Variants in CDKL5 observed in about 807,000 individuals in gnomAD.
CDKL5 encodes the protein cyclin-dependent kinase-like 5.
CDKL5 carries 8 observed loss-of-function variants against 61.7 expected under a neutral mutation model. The observed-to-expected ratio is 0.13, with a 90% confidence interval of 0.08 to 0.23. The LOEUF (loss-of-function observed/expected upper bound fraction) is 0.23, where lower values mean the gene tolerates loss of function less well. Ranked by LOEUF, CDKL5 falls within the 10% of genes least tolerant of loss-of-function variation. The pLI, the probability that CDKL5 is intolerant of heterozygous loss-of-function variation, is 1.00. For synonymous variants in CDKL5, 275 were observed against 272.3 expected, an observed-to-expected ratio of 1.01 and a Z score of -0.10; for missense variants, 440 against 734.5, an observed-to-expected ratio of 0.60 and a Z score of 4.63.
intron 3 of CDKL5, among the ~76,000 whole-genome samples, chrX:18,560,732 C>G: frequency 9.1e-6 from 1 of 109,870 alleles, no homozygotes; most frequent in Middle Eastern, 4.7e-3. Flanking sequence ...TATAAGAAGA[C>G]TTTCCTAATT....
intron 15 of CDKL5, among the ~76,000 whole-genome samples, chrX:18,619,530 TA>T (rs1450625355): frequency 8.9e-6 from 1 of 111,851 alleles, no homozygotes; most frequent in Non-Finnish European, 1.9e-5. Context: ...CTTTCCCTTG[TA>T]GAGTTACAGA....
At chrX:18,485,638 T>C (rs1450345131) in intron 1 of CDKL5, among the ~76,000 whole-genome samples, 1 of 112,078 alleles carries the variant, frequency 8.9e-6, no homozygotes, top group Non-Finnish European at 1.9e-5. Context: ...ACATTTTGTA[T>C]GCACAAAAAA....
At chrX:18,513,343 A>G (rs1255778053) in intron 3 of CDKL5, among the ~76,000 whole-genome samples, 1 of 111,309 alleles carries the variant, frequency 9.0e-6, no homozygotes, top group Non-Finnish European at 1.9e-5. Flanking sequence ...GGACATCTCT[A>G]CTCTTAGGAA....
At chrX:18,445,030 A>G (rs906319073) in intron 1 of CDKL5, among the ~76,000 whole-genome samples, 1 of 107,829 alleles carries the variant, frequency 9.3e-6, no homozygotes, top group Non-Finnish European at 1.9e-5. Context: ...TTTTGACTCC[A>G]TATTTGTGTA....
intron 3 of CDKL5, among the ~76,000 whole-genome samples, chrX:18,542,228 G>A (rs1265214439): frequency 9.0e-6 from 1 of 111,356 alleles, no homozygotes. Flanking sequence ...GGGAATTCCA[G>A]CTCCCTAGGC....
chrX:18,525,905 C>T (rs1923423121), intron 3 of CDKL5, among the ~76,000 whole-genome samples: 1 of 110,397 alleles, frequency 9.1e-6, no homozygotes, highest in Non-Finnish European at 1.9e-5. Flanking sequence ...CACCACCACG[C>T]CTGGCTAATT....
chrX:18,594,061 C>T (rs1279777507), intron 9 of CDKL5, among the ~76,000 whole-genome samples: 1 of 112,374 alleles, frequency 8.9e-6, no homozygotes, highest in South Asian at 3.7e-4. Context: ...CTCCTGCTAT[C>T]CAGAGCATGG....
At chrX:18,549,368 C>T (rs551656606) in intron 3 of CDKL5, among the ~76,000 whole-genome samples, 3 of 112,614 alleles carry the variant, frequency 2.7e-5, no homozygotes, top group African/African-American at 9.7e-5. Flanking sequence ...AGCTCTGTCA[C>T]TCATTCAACA....
intron 4 of CDKL5, among the ~76,000 whole-genome samples, chrX:18,567,764 A>G: frequency 9.0e-6 from 1 of 111,476 alleles, no homozygotes; most frequent in Non-Finnish European, 1.9e-5. Context: ...GTGTGCCTGT[A>G]ATCCTAGCTA....
chrX:18,562,022 G>T (rs1298926976), intron 3 of CDKL5, among the ~76,000 whole-genome samples: 1 of 111,582 alleles, frequency 9.0e-6, no homozygotes, highest in Non-Finnish European at 1.9e-5. Context: ...CTGGGGAAAA[G>T]ATTTGTAACA....
rs1422001731 is a variant in CDKL5, at chrX:18,650,412, G to T, written c.2800G>T (p.Glu934Ter). 1.7e-6 allele frequency: 2 copies of T among 1,210,235 alleles called. No homozygotes were observed. The highest frequency in any genetic ancestry group is 3.5e-5 in the African/African-American group (2 of 57,316). Residue 934 changes from glutamate (E) to a stop codon, truncating the protein, a stop_gained and splice_region_variant, in exon 21 of 22, where the codon GAA becomes TAA. Coordinates refer to the CDKL5 transcript ENST00000379989. LOFTEE classifies it high-confidence loss of function. ...ACTGCCCTCTGAATATTTTCCAGGAGAATACTTCTGCTGTGGTGACCCAAA... is the reference window on the plus strand; with the variant it reads ...ACTGCCCTCTGAATATTTTCCAGGATAATACTTCTGCTGTGGTGACCCAAA...
chrX:18,536,960 C>G (rs185345006), intron 3 of CDKL5, among the ~76,000 whole-genome samples: 1 of 109,193 alleles, frequency 9.2e-6, no homozygotes, highest in East Asian at 2.8e-4. Flanking sequence ...CACACATATA[C>G]CCATTACTTT....
intron 3 of CDKL5, among the ~76,000 whole-genome samples, chrX:18,551,591 T>TTATTATTAG (rs1924390048): frequency 9.9e-6 from 1 of 101,079 alleles, no homozygotes; most frequent in Non-Finnish European, 2.0e-5. Flanking sequence ...ATTATTATTA[T>TTATTATTAG]TATTATTATT....
chrX:18,503,822 G>C (rs747832736), intron 1 of CDKL5, among the ~76,000 whole-genome samples: 1 of 111,905 alleles, frequency 8.9e-6, no homozygotes, highest in South Asian at 3.7e-4. Flanking sequence ...GCTCACCGCA[G>C]CTTCGCCCTC....
chrX:18,457,357 C>T (rs1184434053), intron 1 of CDKL5: 1 of 111,645 alleles, frequency 9.0e-6, no homozygotes, highest in African/African-American at 3.3e-5. Context: ...ATAACAGATC[C>T]AATTCCTTGT....
At chrX:18,497,786 T>C (rs747882842) in intron 1 of CDKL5, among the ~76,000 whole-genome samples, 7 of 110,094 alleles carry the variant, frequency 6.4e-5, no homozygotes, top group African/African-American at 2.3e-4. Context: ...TGTTGTCTTG[T>C]CTAGCCTTTC....
At chrX:18,617,690 G>A (rs1926762336) in intron 15 of CDKL5, among the ~76,000 whole-genome samples, 1 of 111,975 alleles carries the variant, frequency 8.9e-6, no homozygotes, top group South Asian at 3.7e-4. Context: ...TTTCCTCTCT[G>A]ACATCCTTCT....
At chrX:18,593,543 G>C (rs1925894243) in intron 9 of CDKL5, among the ~76,000 whole-genome samples, 1 of 111,341 alleles carries the variant, frequency 9.0e-6, no homozygotes, top group Non-Finnish European at 1.9e-5. Context: ...TAACATCGAA[G>C]GGAGCCTCTG....
Position 18,638,710 on chromosome X carries a change from A to G in CDKL5, c.*9953A>G, listed in dbSNP as rs1927467556. ...TGAAATCCCAGCTGGCTTCTTTGCA[A>G]TGATGGACAAGTTAGTTATAATTCA... is the stretch of plus-strand genomic sequence containing the variant. On this transcript the variant is annotated 3_prime_UTR_variant, in exon 18 of 18. Coordinates refer to ENST00000623535, the MANE Select transcript of CDKL5 (RefSeq NM_001323289.2). Among the ~76,000 whole-genome samples, 1 of 112,388 alleles carries G rather than the reference A, an allele frequency of 8.9e-6. No homozygotes were observed. The highest frequency in any genetic ancestry group is 3.7e-4 in the South Asian group (1 of 2,736).
Sources: allele counts gnomAD v4.1 joint callset (sites outside exome capture counted in the v4.1 genomes callset), GRCh38; gene constraint gnomAD v4.1.1; transcripts MANE v1.5; gene names NCBI Gene and HGNC (gene_info 2026-07-23, HGNC 2026-07-21).